The following RAPGEF6 variants were observed in gnomAD, a reference collection of about 807,000 sequenced individuals.
The protein encoded by RAPGEF6 is Rap guanine nucleotide exchange factor 6.
In RAPGEF6, 56 loss-of-function variants were observed where a neutral mutation model predicts 171.4. The observed-to-expected ratio is 0.33, with a 90% CI of 0.26 to 0.41. RAPGEF6 has a LOEUF of 0.41. Among genes scored for constraint, RAPGEF6 ranks in the 10% least tolerant of loss-of-function variants. The pLI, the probability that RAPGEF6 is intolerant of heterozygous loss-of-function variation, is 1.00. For missense variants in RAPGEF6, 1,674 were observed against 1,921.4 expected, an observed-to-expected ratio of 0.87 and a Z score of 2.41; for synonymous variants, 692 against 650.1, an observed-to-expected ratio of 1.06 and a Z score of -0.98.
intron 19 of RAPGEF6, among the ~76,000 whole-genome samples, chr5:131,461,048 A>G (rs1325321255): frequency 6.6e-6 from 1 of 152,224 alleles, no homozygotes; most frequent in Non-Finnish European, 1.5e-5. Context: ...TGCTAAATAA[A>G]GATCAGAAAA....
At chr5:131,548,688 T>C (rs879713351) in intron 5 of RAPGEF6, among the ~76,000 whole-genome samples, 2 of 152,180 alleles carry the variant, frequency 1.3e-5, no homozygotes, top group Admixed American at 1.3e-4. Context: ...GAAAATAAAA[T>C]GGAAAATTAA....
intron 15 of RAPGEF6, among the ~76,000 whole-genome samples, chr5:131,481,906 T>C (rs961414022): frequency 7.2e-5 from 11 of 152,176 alleles, no homozygotes; most frequent in African/African-American, 2.7e-4. Context: ...ATTGTGTAAA[T>C]ATGCCCACTG....
At chr5:131,489,459 T>A in intron 15 of RAPGEF6, 87 bp downstream of exon 15, 1 of 748,138 alleles carries the variant, frequency 1.3e-6, no homozygotes, top group Admixed American at 3.3e-5. Flanking sequence ...CATGTTTATA[T>A]TTTACTATCT....
At chr5:131,561,211 C>G (rs1363692811) in intron 5 of RAPGEF6, among the ~76,000 whole-genome samples, 1 of 152,136 alleles carries the variant, frequency 6.6e-6, no homozygotes, top group Non-Finnish European at 1.5e-5. Flanking sequence ...AAAAACTTAT[C>G]TTAAATAATT....
chr5:131,616,102 C>T (rs552922426), intron 1 of RAPGEF6, among the ~76,000 whole-genome samples: 172 of 150,152 alleles, frequency 1.1e-3, no homozygotes, highest in African/African-American at 4.1e-3. Context: ...TACCTAGGGG[C>T]GAAAAAAAAA....
rs1200785592 is a variant in RAPGEF6 at position 131,429,133 on chromosome 5, C to A, written c.4549G>T (p.Ala1517Ser). The change falls in exon 27 of 28, where the codon GCG (alanine) becomes TCG (serine). Residue 1517 changes from alanine (A) to serine (S), a missense_variant. Ala to Ser is a moderately conservative substitution (Grantham distance 99). This residue lies in a region of RAPGEF6 where 552 missense variants were observed against 574.2 expected (regional missense o/e 0.96). Coordinates refer to ENST00000509018, the MANE Select transcript of RAPGEF6 (RefSeq NM_016340.6). ...GTGTGGGGTCCTTCCTTTAGGTCCG[C>A]TAAAGAAATCCCCAAATATCCTGGA... ...TPPGYLGISL[A>S]DLKEGPHTHL... 1 of 1,613,856 alleles carries A rather than the reference C, an allele frequency of 6.2e-7. No homozygotes were observed. Among genetic ancestry groups the A allele is most frequent in the Admixed American group, 1.7e-5 (1 of 59,992 alleles).
At chr5:131,597,113 A>T (rs1763948444) in intron 3 of RAPGEF6, among the ~76,000 whole-genome samples, 1 of 152,140 alleles carries the variant, frequency 6.6e-6, no homozygotes, top group South Asian at 2.1e-4. Context: ...ATAGGTATAT[A>T]AAAAAATATT....
chr5:131,545,556 C>T (rs927205648), intron 6 of RAPGEF6, among the ~76,000 whole-genome samples: 2 of 152,306 alleles, frequency 1.3e-5, no homozygotes, highest in East Asian at 3.9e-4. Flanking sequence ...ACTTGCTGCT[C>T]TCATAAACAT....
At chr5:131,551,549 G>A (rs1292518676) in intron 5 of RAPGEF6, among the ~76,000 whole-genome samples, 1 of 151,316 alleles carries the variant, frequency 6.6e-6, no homozygotes, top group African/African-American at 2.4e-5. Flanking sequence ...ACACAAGTAG[G>A]TGAATCAGGA....
intron 1 of RAPGEF6, among the ~76,000 whole-genome samples, chr5:131,623,646 C>T (rs1385496547): frequency 2.0e-5 from 3 of 151,866 alleles, no homozygotes; most frequent in South Asian, 2.1e-4. Flanking sequence ...CCACCACGCC[C>T]GGCTAATTTT....
intron 24 of RAPGEF6, chr5:131,436,095 T>G: frequency 1.3e-6 from 2 of 1,537,982 alleles, no homozygotes; most frequent in South Asian, 2.4e-5. Context: ...TCTCACAGCT[T>G]TCTGTAGCTT....
At chr5:131,625,478 T>C (rs554459696) in intron 1 of RAPGEF6, among the ~76,000 whole-genome samples, 1 of 152,180 alleles carries the variant, frequency 6.6e-6, no homozygotes, top group East Asian at 1.9e-4. Context: ...GTCCAGGACC[T>C]TATCTCACAC....
chr5:131,456,342 A>T (rs11242078), intron 19 of RAPGEF6, among the ~76,000 whole-genome samples: 1 of 152,016 alleles, frequency 6.6e-6, no homozygotes, highest in African/African-American at 2.4e-5. Flanking sequence ...TGTTTTACTT[A>T]GAAATAACTT....
At chr5:131,581,966 C>A (rs923489300) in intron 4 of RAPGEF6, among the ~76,000 whole-genome samples, 1 of 152,148 alleles carries the variant, frequency 6.6e-6, no homozygotes, top group African/African-American at 2.4e-5. Context: ...ATCCTCCCAG[C>A]CCTTGAGAAT....
chr5:131,537,176 T>C (rs957581468), intron 6 of RAPGEF6, among the ~76,000 whole-genome samples: 5 of 152,192 alleles, frequency 3.3e-5, no homozygotes, highest in African/African-American at 4.8e-5. Context: ...CTTTAAACAA[T>C]TATCAAAAGC....
chr5:131,588,424 C>A (rs1763388752), intron 4 of RAPGEF6, among the ~76,000 whole-genome samples: 2 of 152,274 alleles, frequency 1.3e-5, no homozygotes, highest in South Asian at 2.1e-4. Context: ...TATTGCCATG[C>A]CCACTATTAA....
intron 23 of RAPGEF6, 67 bp downstream of exon 23, chr5:131,442,282 T>A: frequency 3.5e-6 from 5 of 1,415,354 alleles, no homozygotes; most frequent in Non-Finnish European, 4.8e-6. Context: ...CATCTGTAAT[T>A]ATTTTTCACT....
rs957931935 is a variant in RAPGEF6 at position 131,427,045 on chromosome 5, T to A, written c.*221A>T. On this transcript the variant is annotated 3_prime_UTR_variant, in exon 28 of 28. Coordinates refer to ENST00000509018, the MANE Select transcript of RAPGEF6 (RefSeq NM_016340.6). The stretch of plus-strand genomic sequence containing the variant: ...CCGGCGTGCAAAGTGGAGACTGGTA[T>A]CCAGGCATAGCATCCATTGCTCAGG... 1.2e-5 allele frequency: 7 copies of A among 569,878 alleles called. No homozygotes were observed. The African/African-American group carries it at 1.4e-4, about 11-fold the overall frequency. 35.3% of individuals were successfully genotyped at this position (569,878 alleles called of 1,614,324 possible).
chr5:131,520,991 G>GT (rs1758437626), intron 7 of RAPGEF6, among the ~76,000 whole-genome samples: 1 of 152,150 alleles, frequency 6.6e-6, no homozygotes, highest in African/African-American at 2.4e-5. Flanking sequence ...CTTTATGGTA[G>GT]AAAAGCAGCT....
Sources: gnomAD v4.1 joint callset for allele counts (sites outside exome capture counted in the v4.1 genomes callset) on GRCh38, gnomAD v4.1.1 for gene constraint, gnomAD v4.1.1 regional missense constraint, MANE v1.5 for transcripts, NCBI Gene and HGNC (gene_info 2026-07-23, HGNC 2026-07-21) for gene names.